The following DGKK variants were observed in gnomAD, a reference collection of about 807,000 sequenced individuals.
The protein encoded by DGKK is diacylglycerol kinase kappa, also known as 142 kDa diacylglycerol kinase.
DGKK carries 35 observed loss-of-function variants against 92.2 expected under a neutral mutation model. The observed-to-expected ratio is 0.38, with a 90% CI of 0.29 to 0.50. DGKK has a LOEUF of 0.50. DGKK is among the 20% of genes least tolerant of loss of function. The pLI is 0.92. For missense variants in DGKK, 910 were observed against 992.2 expected (o/e 0.92, Z 1.11); for synonymous variants, 368 against 360.6 (o/e 1.02, Z -0.23).
chrX:50,459,201 C>T (rs1437691118), intron 1 of DGKK, among the ~76,000 whole-genome samples: 1 of 111,122 alleles, frequency 9.0e-6, no homozygotes, highest in Non-Finnish European at 1.9e-5. Context: ...TGTTAAATGC[C>T]CATGTAACAA....
intron 8 of DGKK, among the ~76,000 whole-genome samples, chrX:50,396,676 A>G: frequency 9.0e-6 from 1 of 111,142 alleles, no homozygotes; most frequent in South Asian, 3.9e-4. Context: ...CTACAGGGGC[A>G]GCTCCATCTA....
chrX:50,386,612 C>A, intron 14 of DGKK, 26 bp from the exon 15 acceptor site: 2 of 1,158,268 alleles, frequency 1.7e-6, no homozygotes, highest in South Asian at 3.7e-5. Flanking sequence ...GGAGACAGGG[C>A]ATTGTTATGA....
chrX:50,424,961 C>T (rs1557229557), intron 1 of DGKK, among the ~76,000 whole-genome samples: 1 of 112,131 alleles, frequency 8.9e-6, no homozygotes, highest in African/African-American at 3.2e-5. Context: ...ACTTTCTTTA[C>T]ATCTCATAGT....
At chrX:50,428,156 A>C (rs1370858996) in intron 1 of DGKK, among the ~76,000 whole-genome samples, 1 of 109,029 alleles carries the variant, frequency 9.2e-6, no homozygotes, top group Admixed American at 1.0e-4. Flanking sequence ...TTTATTTCTG[A>C]AGTGGATGAT....
Position 50,393,169 on chromosome X carries a change from C to T in DGKK, c.1578G>A (p.Lys526=). Residue 526 remains lysine (K), a synonymous_variant, in exon 9 of 28, where the codon AAG becomes AAA. Transcript: ENST00000611977. ...LNPSQVFDLL[K]GGPEAGLSMF... ...AGGCTTACCCTGCTTCAGGTCCACC[C>T]TTCAATAAGTCGAACACTTGAGATG... 8.3e-7 allele frequency: 1 copy of T among 1,209,393 alleles called. No homozygotes were observed. Among genetic ancestry groups the T allele is most frequent in the South Asian group, 1.8e-5 (1 of 56,340 alleles).
intron 4 of DGKK, among the ~76,000 whole-genome samples, chrX:50,416,351 T>C (rs1164850812): frequency 1.8e-5 from 2 of 112,298 alleles, no homozygotes; most frequent in Non-Finnish European, 3.8e-5. Flanking sequence ...AAGTCATATA[T>C]GTGTATTAAT....
chrX:50,436,803 G>A (rs1557230819), intron 1 of DGKK, among the ~76,000 whole-genome samples: 2 of 109,058 alleles, frequency 1.8e-5, no homozygotes, highest in Non-Finnish European at 3.8e-5. Context: ...AACTTGTTCT[G>A]GCCTTCTGAC....
intron 24 of DGKK, 76 bp downstream of exon 24, chrX:50,375,948 G>C (rs1226014519): frequency 9.0e-7 from 1 of 1,110,052 alleles, no homozygotes; most frequent in Non-Finnish European, 1.2e-6. Context: ...TCCAGCCTCC[G>C]GCTCCACTTC....
At chrX:50,400,435 C>T (rs782699963) in intron 8 of DGKK, among the ~76,000 whole-genome samples, 2 of 112,136 alleles carry the variant, frequency 1.8e-5, no homozygotes, top group South Asian at 7.5e-4. Flanking sequence ...CTCTACCATT[C>T]CCTTGGCACT....
intron 1 of DGKK, among the ~76,000 whole-genome samples, chrX:50,426,452 A>G (rs995414794): frequency 3.6e-5 from 4 of 112,128 alleles, no homozygotes; most frequent in African/African-American, 1.3e-4. Flanking sequence ...AAGCTCTTTA[A>G]TGATATTACT....
intron 1 of DGKK, among the ~76,000 whole-genome samples, chrX:50,440,337 T>C (rs1486122681): frequency 9.0e-6 from 1 of 111,399 alleles, no homozygotes; most frequent in Non-Finnish European, 1.9e-5. Context: ...TTACATGACA[T>C]AAAAGTAAAT....
chrX:50,396,157 T>C (rs998714566), intron 8 of DGKK, among the ~76,000 whole-genome samples: 2 of 111,962 alleles, frequency 1.8e-5, no homozygotes, highest in African/African-American at 6.5e-5. Flanking sequence ...AAGCAATTTG[T>C]TGATAAGGAA....
chrX:50,460,862 G>T (rs1557233272), intron 1 of DGKK, among the ~76,000 whole-genome samples: 1 of 107,536 alleles, frequency 9.3e-6, no homozygotes, highest in Non-Finnish European at 1.9e-5. Flanking sequence ...GCATAATGCT[G>T]TAACTTCTTG....
intron 13 of DGKK, 140 bp downstream of exon 13, chrX:50,388,386 CA>C (rs1924602304): frequency 2.1e-6 from 1 of 474,246 alleles, no homozygotes; most frequent in Non-Finnish European, 3.6e-6. Context: ...ACTTTCCATT[CA>C]GGGGGTTTGA....
chrX:50,388,538 G>A lies in DGKK; in HGVS notation c.2007C>T (p.Ile669=). 8.3e-7 allele frequency: 1 copy of A among 1,206,302 alleles called. No homozygotes were observed. The highest frequency in any genetic ancestry group is 1.1e-6 in the Non-Finnish European group (1 of 891,958). ...ILKAKYPTEM[I]IATRFLCSAV... is the part of the protein sequence containing the mutation. ...AAAGGAAGACTGACCTGGTTGCGAT[G>A]ATCATCTCTGTGGGGTACTTGGCCT... The change falls in exon 13 of 28, where the codon ATC becomes ATT. Residue 669 remains isoleucine (I), a synonymous_variant. Coordinates refer to ENST00000611977, the MANE Select transcript of DGKK (RefSeq NM_001013742.4).
intron 1 of DGKK, among the ~76,000 whole-genome samples, chrX:50,444,057 T>C (rs1327348605): frequency 9.0e-6 from 1 of 111,253 alleles, no homozygotes; most frequent in African/African-American, 3.3e-5. Context: ...GAATGTGCCA[T>C]GGTTTTTATA....
At chrX:50,415,928 T>C (rs1444033473) in intron 4 of DGKK, among the ~76,000 whole-genome samples, 1 of 112,135 alleles carries the variant, frequency 8.9e-6, no homozygotes, top group Non-Finnish European at 1.9e-5. Context: ...GTGAAATGAA[T>C]GTATTTTACA....
In DGKK at chrX:50,393,345, C is replaced by A. The variant is rs200315703; in HGVS notation, c.1412-10G>T. 3 of 1,173,712 alleles carry A rather than the reference C, an allele frequency of 2.6e-6. No individual in the cohort carries two copies. Among genetic ancestry groups the A allele is most frequent in the Admixed American group, 2.4e-5 (1 of 41,298 alleles). On this transcript the variant is annotated splice_polypyrimidine_tract_variant and intron_variant, in intron 8 of 27. Transcript: ENST00000611977. Reference sequence around the variant, plus strand: ...GATACTACTAATTGGCCTGACACAACGAAAAGAAAAAGAAGAAAAAAAAGA... The same window carrying A: ...GATACTACTAATTGGCCTGACACAAAGAAAAGAAAAAGAAGAAAAAAAAGA...
rs1557226563 is a variant in DGKK, at chrX:50,401,024, T to C, written c.1411+13A>G. 5 of 1,183,502 alleles carry C rather than the reference T, an allele frequency of 4.2e-6. No homozygotes were observed. In the Admixed American group the frequency reaches 1.2e-4, roughly 28 times the overall value. ...GCCCAATGTGCTTCTGAGGTTAAGA[T>C]TTAACTACTCACCATCGCCTTTGGG... On this transcript the variant is annotated intron_variant, in intron 8 of 27. Coordinates refer to ENST00000611977, the MANE Select transcript of DGKK (RefSeq NM_001013742.4).
Sources: gnomAD v4.1 joint callset for allele counts (sites outside exome capture counted in the v4.1 genomes callset) on GRCh38, gnomAD v4.1.1 for gene constraint, MANE v1.5 for transcripts, NCBI Gene and HGNC (gene_info 2026-07-23, HGNC 2026-07-21) for gene names.